Variants in PYY observed in about 807,000 individuals in gnomAD.
PYY encodes the protein peptide tyrosine tyrosine.
PYY carries 12 observed loss-of-function variants against 10.3 expected under a neutral mutation model. The ratio of observed to expected loss-of-function variants is 1.17; its 90% CI spans 0.75 to 1.89. PYY has a LOEUF of 1.89. Among genes scored for constraint, PYY ranks in the 40% most tolerant of loss-of-function variants. The pLI is 0.00. For synonymous variants in PYY, 66 were observed against 62.0 expected, an observed-to-expected ratio of 1.06 and a Z score of -0.30; for missense variants, 141 against 134.0, an observed-to-expected ratio of 1.05 and a Z score of -0.26.
chr17:44,001,558 C>T (rs2049027012), intron 1 of PYY, among the ~76,000 whole-genome samples: 1 of 152,158 alleles, frequency 6.6e-6, no homozygotes, highest in Non-Finnish European at 1.5e-5. Context: ...GTGGAGGGGA[C>T]ACAGTGGCCC....
intron 1 of PYY, among the ~76,000 whole-genome samples, chr17:43,997,437 G>A (rs185274455): frequency 3.4e-4 from 52 of 152,304 alleles, no homozygotes; most frequent in Non-Finnish European, 6.8e-4. Context: ...AGAGGACACA[G>A]CCAGTGCCAA....
At chr17:43,958,993 A>C (rs1240181621) in intron 2 of PYY, among the ~76,000 whole-genome samples, 1 of 152,246 alleles carries the variant, frequency 6.6e-6, no homozygotes, top group African/African-American at 2.4e-5. Flanking sequence ...TAAACCATTA[A>C]GGGAAAATCC....
chr17:43,985,752 A>G (rs1382173021), intron 1 of PYY, among the ~76,000 whole-genome samples: 5 of 152,242 alleles, frequency 3.3e-5, no homozygotes, highest in Non-Finnish European at 5.9e-5. Flanking sequence ...AATTTGTTCC[A>G]TGAACAAATT....
chr17:43,961,359 A>G (rs1020034313), intron 2 of PYY, among the ~76,000 whole-genome samples: 36 of 152,188 alleles, frequency 2.4e-4, no homozygotes, highest in Non-Finnish European at 2.6e-4. Context: ...ACCATGGCAC[A>G]TATTTACCTA....
intron 1 of PYY, among the ~76,000 whole-genome samples, chr17:43,982,576 G>A (rs948300412): frequency 6.6e-6 from 1 of 152,248 alleles, no homozygotes; most frequent in Non-Finnish European, 1.5e-5. Context: ...AGCTAAGGTT[G>A]TGGTAGAAGC....
intron 1 of PYY, among the ~76,000 whole-genome samples, chr17:43,989,385 A>C (rs2048937943): frequency 6.6e-6 from 1 of 151,656 alleles, no homozygotes; most frequent in Non-Finnish European, 1.5e-5. Context: ...AAAACAAACA[A>C]ACAAACAAAC....
intron 2 of PYY, among the ~76,000 whole-genome samples, chr17:43,960,725 C>T (rs2048706634): frequency 6.6e-6 from 1 of 151,224 alleles, no homozygotes; most frequent in African/African-American, 2.4e-5. Flanking sequence ...TGGCGGGTGC[C>T]TGTAATCCCA....
intron 1 of PYY, among the ~76,000 whole-genome samples, chr17:43,969,365 A>G (rs376908942): frequency 6.5e-4 from 98 of 151,542 alleles, no homozygotes; most frequent in African/African-American, 2.3e-3. Context: ...AAAATACAAA[A>G]ATTAGCTGGG....
At chr17:43,958,332 C>A (rs555734775), upstream of PYY, among the ~76,000 whole-genome samples, 4 of 151,888 alleles carry the variant, frequency 2.6e-5, no homozygotes, top group Admixed American at 1.3e-4. Flanking sequence ...TCGGCCTCAG[C>A]CACCCAAAAT....
chr17:43,985,366 C>A (rs1436448382), intron 1 of PYY, among the ~76,000 whole-genome samples: 2 of 152,122 alleles, frequency 1.3e-5, no homozygotes, highest in African/African-American at 4.8e-5. Flanking sequence ...GCATACCACC[C>A]CACCCAGCTA....
rs187172730 is a variant in PYY, at chr17:43,994,591, T to C, written c.-463+9800A>G. On this transcript the variant is annotated intron_variant, in intron 1 of 6. Coordinates refer to the PYY transcript ENST00000360085. Reference sequence around the variant, plus strand: ...CTAGGACTCGAACCTCGCGTTTTGATCCAGGGTGCGGCAAGGGCGCCCCAT... The same window carrying C: ...CTAGGACTCGAACCTCGCGTTTTGACCCAGGGTGCGGCAAGGGCGCCCCAT... 1.2e-3 allele frequency among the ~76,000 whole-genome samples: 185 copies of C among 152,224 alleles called. 4 individuals are homozygous for C. The highest frequency in any genetic ancestry group is 4.2e-3 in the African/African-American group (175 of 41,554).
At chr17:43,977,897 A>G (rs2048859011) in intron 1 of PYY, among the ~76,000 whole-genome samples, 1 of 152,100 alleles carries the variant, frequency 6.6e-6, no homozygotes, top group African/African-American at 2.4e-5. Context: ...GCATAGTAAA[A>G]CATGTATCAA....
At chr17:43,964,619 G>A (rs1249875733) in intron 2 of PYY, among the ~76,000 whole-genome samples, 8 of 152,124 alleles carry the variant, frequency 5.3e-5, no homozygotes, top group Admixed American at 2.0e-4. Flanking sequence ...GCATGGTGGC[G>A]CATGCCTGTA....
At chr17:43,957,385 C>T (rs34461393), upstream of PYY, among the ~76,000 whole-genome samples, 1,568 of 150,488 alleles carry the variant, frequency 0.01, 26 homozygotes, top group African/African-American at 0.036. Context: ...AGGCTGGGTG[C>T]GGTGGCTCAC....
intron 1 of PYY, among the ~76,000 whole-genome samples, chr17:43,968,167 G>A (rs527950592): frequency 1.6e-4 from 24 of 151,994 alleles, no homozygotes; most frequent in African/African-American, 2.2e-4. Context: ...GATCACTTGC[G>A]GGCAGGAGTA....
At chr17:43,971,655 C>A (rs934709371) in intron 1 of PYY, among the ~76,000 whole-genome samples, 5 of 149,020 alleles carry the variant, frequency 3.4e-5, no homozygotes, top group African/African-American at 4.9e-5. Context: ...TTTATATCCT[C>A]CTTGGTGCAG....
At chr17:43,964,686 C>T (rs2048742248) in intron 2 of PYY, among the ~76,000 whole-genome samples, 1 of 152,102 alleles carries the variant, frequency 6.6e-6, no homozygotes, top group Non-Finnish European at 1.5e-5. Context: ...AGCTGTAATC[C>T]CAGCTACTCA....
intron 1 of PYY, among the ~76,000 whole-genome samples, chr17:43,993,284 C>A (rs2076027868): frequency 1.3e-5 from 2 of 152,066 alleles, no homozygotes; most frequent in Admixed American, 1.3e-4. Context: ...CACGGTGAAA[C>A]CCCGTCTCTA....
chr17:43,966,715 T>C (rs1258762545), intron 1 of PYY, among the ~76,000 whole-genome samples: 1 of 152,228 alleles, frequency 6.6e-6, no homozygotes, highest in Non-Finnish European at 1.5e-5. Context: ...AATTGACTTA[T>C]TTGTATGCTT....
Sources: allele counts gnomAD v4.1 joint callset (sites outside exome capture counted in the v4.1 genomes callset), GRCh38; gene constraint gnomAD v4.1.1; transcripts MANE v1.5; gene names NCBI Gene and HGNC (gene_info 2026-07-23, HGNC 2026-07-21).